EPC1: variants seen among roughly 807,000 people sequenced by gnomAD.
EPC1 encodes the protein enhancer of polycomb homolog 1.
EPC1 carries 12 observed loss-of-function variants against 98.4 expected under a neutral mutation model. That is an observed-to-expected ratio of 0.12 (90% confidence interval 0.08 to 0.20). EPC1 has a LOEUF of 0.20. Among genes scored for constraint, EPC1 ranks in the 10% least tolerant of loss-of-function variants. The pLI is 1.00. For missense variants in EPC1, 729 were observed against 990.5 expected, an observed-to-expected ratio of 0.74 and a Z score of 3.54; for synonymous variants, 357 against 363.9, an observed-to-expected ratio of 0.98 and a Z score of 0.21.
At chr10:32,369,794 C>G (rs1356314422) in intron 1 of EPC1, among the ~76,000 whole-genome samples, 1 of 152,054 alleles carries the variant, frequency 6.6e-6, no homozygotes, top group Non-Finnish European at 1.5e-5. Context: ...TAAGAGTTAC[C>G]ATGTTTAGAA....
intron 1 of EPC1, among the ~76,000 whole-genome samples, chr10:32,338,144 A>G (rs1838092102): frequency 6.6e-6 from 1 of 152,142 alleles, no homozygotes; most frequent in South Asian, 2.1e-4. Flanking sequence ...TTCAAACTGA[A>G]CAAGTCCATC....
chr10:32,341,023 A>C (rs1262545001), intron 1 of EPC1, among the ~76,000 whole-genome samples: 1 of 152,224 alleles, frequency 6.6e-6, no homozygotes, highest in East Asian at 1.9e-4. Context: ...TCATACTTTC[A>C]TATCACTTTT....
Position 32,269,052 on chromosome 10 carries a change from C to T in EPC1, c.*11G>A. The stretch of plus-strand genomic sequence containing the variant: ...ATCAAGTCCCCAGGCTGCAGTTCCA[C>T]TCGGAGGAAGCTACGTCACCTCCAT... On this transcript the variant is annotated 3_prime_UTR_variant, in exon 14 of 14. Coordinates refer to ENST00000319778, the MANE Select transcript of EPC1 (RefSeq NM_001272004.3). 6.2e-7 allele frequency: 1 copy of T among 1,612,542 alleles called. No individual in the cohort carries two copies. The highest frequency in any genetic ancestry group is 1.1e-5 in the South Asian group (1 of 90,988).
At chr10:32,288,084 C>T (rs984017487) in intron 6 of EPC1, among the ~76,000 whole-genome samples, 3 of 152,068 alleles carry the variant, frequency 2.0e-5, no homozygotes, top group South Asian at 2.1e-4. Context: ...TATGTAAATA[C>T]GCTAAATATT....
At chr10:32,373,769 G>A (rs1337481356) in intron 1 of EPC1, among the ~76,000 whole-genome samples, 5 of 152,294 alleles carry the variant, frequency 3.3e-5, no homozygotes, top group South Asian at 2.1e-4. Context: ...TTATGGCAAC[G>A]TAAAAGGTTA....
At position 32,360,828 on chromosome 10, in the gene EPC1, A is replaced by T. The variant is rs569304974; in HGVS notation, c.3+17663T>A. ...AGAATTGCTTGAACCCAGGAGGCGA[A>T]GGTTGCAGTGAGCCGAGATCGCGCC... On this transcript the variant is annotated intron_variant, in intron 1 of 13. Coordinates refer to the EPC1 transcript ENST00000375110. 1.0e-3 allele frequency among the ~76,000 whole-genome samples: 155 copies of T among 151,726 alleles called. 1 individual carries two copies. The highest frequency in any genetic ancestry group is 1.1e-3 in the Non-Finnish European group (76 of 67,968).
intron 1 of EPC1, among the ~76,000 whole-genome samples, chr10:32,332,444 T>G (rs1837693828): frequency 6.6e-6 from 1 of 152,168 alleles, no homozygotes; most frequent in Non-Finnish European, 1.5e-5. Context: ...TTGGTCTGTG[T>G]GACCAACAGC....
chr10:32,277,937 C>CTA (rs1016009892), intron 10 of EPC1, among the ~76,000 whole-genome samples: 1 of 152,074 alleles, frequency 6.6e-6, no homozygotes, highest in South Asian at 2.1e-4. Context: ...CTGGAACAGC[C>CTA]TATAGTTCAG....
At chr10:32,357,879 A>G (rs983680552) in intron 1 of EPC1, among the ~76,000 whole-genome samples, 5 of 136,250 alleles carry the variant, frequency 3.7e-5, no homozygotes, top group African/African-American at 1.1e-4. Flanking sequence ...TTTTTTAGAC[A>G]GAGTCTCACT....
At chr10:32,292,310 T>G in intron 5 of EPC1, 186 bp downstream of exon 5, 1 of 403,384 alleles carries the variant, frequency 2.5e-6, no homozygotes, top group Non-Finnish European at 4.2e-6. Context: ...GTGAATCCAG[T>G]CACTTTTAAA....
rs770520611 is a variant in EPC1, at chr10:32,364,001, C to CCTTTTTTTTTTTTTTTTTT, written c.3+14489_3+14490insAAAAAAAAAAAAAAAAAAG. Among the ~76,000 whole-genome samples, 31 of 61,840 alleles carry CCTTTTTTTTTTTTTTTTTT rather than the reference C, an allele frequency of 5.0e-4. 15 individuals carry two copies. Among genetic ancestry groups the CCTTTTTTTTTTTTTTTTTT allele is most frequent in the Admixed American group, 4.9e-4 (2 of 4,114 alleles). 40.6% of individuals were successfully genotyped at this position (61,840 alleles called of 152,430 possible). A position where few individuals can be genotyped will look rare whatever the true frequency, so the allele number is the denominator to read the frequency against. ...AATAGTATCGTGTCCATCATGTTGG[C>CCTTTTTTTTTTTTTTTTTT]ATTTTTTTTTTTTTTTTTTTTTTTT... On this transcript the variant is annotated intron_variant, in intron 1 of 13. Transcript: ENST00000375110.
intron 1 of EPC1, among the ~76,000 whole-genome samples, chr10:32,318,435 C>A (rs1322362247): frequency 6.6e-6 from 1 of 152,150 alleles, no homozygotes; most frequent in African/African-American, 2.4e-5. Flanking sequence ...TATATACGCA[C>A]CCTTGCAATT....
chr10:32,336,019 T>TTAC (rs1162714493), intron 1 of EPC1, among the ~76,000 whole-genome samples: 9 of 152,050 alleles, frequency 5.9e-5, no homozygotes, highest in Non-Finnish European at 1.5e-5. Context: ...CTTTCCCTGC[T>TTAC]TACCCAGCTT....
chr10:32,290,763 T>C (rs3006623), intron 6 of EPC1, among the ~76,000 whole-genome samples: 94,708 of 151,428 alleles, frequency 0.63, 30,602 homozygotes, highest in Middle Eastern at 0.77. Flanking sequence ...GGGGTATATA[T>C]GTATTTTTCT....
intron 1 of EPC1, among the ~76,000 whole-genome samples, chr10:32,333,196 C>T (rs1362518328): frequency 6.6e-6 from 1 of 152,088 alleles, no homozygotes; most frequent in African/African-American, 2.4e-5. Context: ...CAAATTTAGC[C>T]GGGCATGGTG....
chr10:32,347,107 C>T lies in EPC1; in HGVS notation c.-192G>A. On this transcript the variant is annotated 5_prime_UTR_variant, in exon 1 of 14. Transcript: ENST00000319778. ...TGTGCCGCTCCGCTCCTCTCTCGCT[C>T]GCTCTCTTCAATACGCCATGGCCAA... The T allele has an allele frequency of 6.9e-7, 1 of 1,440,388 alleles. No individual in the cohort carries two copies. The highest frequency in any genetic ancestry group is 1.4e-5 in the African/African-American group (1 of 69,778). 89.2% of individuals were successfully genotyped at this position (1,440,388 alleles called of 1,614,324 possible).
intron 1 of EPC1, among the ~76,000 whole-genome samples, chr10:32,372,688 T>C (rs1445232537): frequency 1.3e-5 from 2 of 152,220 alleles, no homozygotes. Context: ...AGTAATAAAT[T>C]AACCAGAAGA....
chr10:32,328,338 G>A (rs925025536), intron 1 of EPC1, among the ~76,000 whole-genome samples: 5 of 152,152 alleles, frequency 3.3e-5, no homozygotes, highest in African/African-American at 1.2e-4. Context: ...CGGTAGCAGC[G>A]TTTATAAGAC....
At chr10:32,325,588 A>T (rs1157938135) in intron 1 of EPC1, among the ~76,000 whole-genome samples, 1 of 152,232 alleles carries the variant, frequency 6.6e-6, no homozygotes, top group Middle Eastern at 3.2e-3. Flanking sequence ...AAGGAGATAA[A>T]ATACATCAAG....
Sources: gnomAD v4.1 joint callset for allele counts (sites outside exome capture counted in the v4.1 genomes callset) on GRCh38, gnomAD v4.1.1 for gene constraint, MANE v1.5 for transcripts, NCBI Gene and HGNC (gene_info 2026-07-23, HGNC 2026-07-21) for gene names.